Variants in CENPP observed in about 807,000 individuals in gnomAD.
CENPP encodes centromere protein P.
Under a neutral mutation model 35.6 loss-of-function variants are expected in CENPP, and 24 were observed. The observed-to-expected ratio is 0.67, with a 90% CI of 0.49 to 0.95. CENPP has a LOEUF of 0.95. Among genes scored for constraint, CENPP ranks in the 40% least tolerant of loss-of-function variants. CENPP has a pLI of 0.00. For missense variants in CENPP, 332 were observed against 345.3 expected (o/e 0.96, Z 0.31); for synonymous variants, 120 against 125.5 (o/e 0.96, Z 0.29).
intron 5 of CENPP, chr9:92,517,947 A>C: frequency 7.7e-6 from 12 of 1,566,646 alleles, no homozygotes; most frequent in Non-Finnish European, 1.0e-5. Context: ...AAGTAAACAC[A>C]ATGTGAAGTC....
chr9:92,594,186 A>G (rs1850724528), intron 5 of CENPP, among the ~76,000 whole-genome samples: 1 of 152,220 alleles, frequency 6.6e-6, no homozygotes, highest in Admixed American at 6.5e-5. Flanking sequence ...AGAAAAAACC[A>G]GGTGAGGGTC....
chr9:92,385,506 C>T (rs1011260771), intron 5 of CENPP: 2 of 892,422 alleles, frequency 2.2e-6, no homozygotes, highest in East Asian at 2.6e-5. Context: ...TATTAAATTC[C>T]TTCAAAATGA....
chr9:92,443,914 C>T (rs536182606), intron 5 of CENPP, among the ~76,000 whole-genome samples: 165 of 152,244 alleles, frequency 1.1e-3, no homozygotes, highest in Admixed American at 2.8e-3. Context: ...CCACCCACTT[C>T]GGCCTCCCAA....
intron 5 of CENPP, chr9:92,416,724 G>T (rs1311679476): frequency 3.7e-6 from 6 of 1,613,596 alleles, no homozygotes; most frequent in Non-Finnish European, 5.1e-6. Context: ...ATGTTGGGAA[G>T]ATTAAAAATA....
At chr9:92,571,057 G>A (rs1460148883) in intron 5 of CENPP, among the ~76,000 whole-genome samples, 3 of 151,858 alleles carry the variant, frequency 2.0e-5, no homozygotes, top group Admixed American at 6.6e-5. Flanking sequence ...TTTTTTGAAG[G>A]GTTTTTTGTG....
At chr9:92,401,247 A>G in intron 5 of CENPP, 1 of 774,434 alleles carries the variant, frequency 1.3e-6, no homozygotes. Context: ...CTGTAAAATG[A>G]AGGGATCACA....
chr9:92,577,527 C>A (rs1489215054), intron 5 of CENPP, among the ~76,000 whole-genome samples: 2 of 151,994 alleles, frequency 1.3e-5, no homozygotes, highest in Non-Finnish European at 2.9e-5. Context: ...CAATATAAGT[C>A]AAAATATATG....
intron 5 of CENPP, among the ~76,000 whole-genome samples, chr9:92,382,892 C>CTTTTTT (rs1213731251): frequency 7.2e-5 from 5 of 69,810 alleles, no homozygotes; most frequent in African/African-American, 9.8e-5. Flanking sequence ...CACTGTTTTC[C>CTTTTTT]TTTTTTTTTT....
chr9:92,463,462 A>G (rs911382655), intron 5 of CENPP, among the ~76,000 whole-genome samples: 2 of 152,258 alleles, frequency 1.3e-5, no homozygotes, highest in Non-Finnish European at 2.9e-5. Context: ...TGAGAAGTTA[A>G]ACCTTTACTT....
intron 5 of CENPP, among the ~76,000 whole-genome samples, chr9:92,557,636 C>T (rs911980544): frequency 6.6e-6 from 1 of 151,954 alleles, no homozygotes; most frequent in African/African-American, 2.4e-5. Flanking sequence ...CAGAGCATTT[C>T]GCATTTCTTT....
At chr9:92,373,071 C>T (rs1842045836) in intron 4 of CENPP, among the ~76,000 whole-genome samples, 1 of 152,072 alleles carries the variant, frequency 6.6e-6, no homozygotes, top group African/African-American at 2.4e-5. Context: ...CTTGAGTATA[C>T]TGCTAATTTG....
At chr9:92,517,538 A>G (rs1389472367) in intron 5 of CENPP, 3 of 1,043,562 alleles carry the variant, frequency 2.9e-6, no homozygotes, top group South Asian at 3.0e-5. Flanking sequence ...TTTCCCAGAT[A>G]TTTTCTATGT....
At chr9:92,325,542 T>G (rs10123342), upstream of CENPP, 62,300 of 154,472 alleles carry the variant, frequency 0.4, 14,869 homozygotes, top group African/African-American at 0.66. Context: ...TCCCCTAGTT[T>G]CTATTGAACA....
At chr9:92,340,785 G>T (rs916542545) in intron 3 of CENPP, among the ~76,000 whole-genome samples, 15 of 151,988 alleles carry the variant, frequency 9.9e-5, no homozygotes, top group South Asian at 4.2e-4. Flanking sequence ...ATCACCTCAG[G>T]ACCCTGTAAT....
At chr9:92,500,965 C>T in intron 5 of CENPP, 2 of 1,614,142 alleles carry the variant, frequency 1.2e-6, no homozygotes, top group Non-Finnish European at 1.7e-6. Flanking sequence ...ATCTGGTTCC[C>T]AAGGAGTACT....
intron 5 of CENPP, among the ~76,000 whole-genome samples, chr9:92,393,513 A>G (rs1008366433): frequency 3.3e-5 from 5 of 152,192 alleles, no homozygotes; most frequent in African/African-American, 9.7e-5. Context: ...TTTGAAAACC[A>G]AAAAAATTTA....
At chr9:92,355,361 T>C (rs1841562722) in intron 4 of CENPP, among the ~76,000 whole-genome samples, 1 of 152,078 alleles carries the variant, frequency 6.6e-6, no homozygotes, top group Non-Finnish European at 1.5e-5. Context: ...TCTCTCCTAC[T>C]TGCATGTCTG....
chr9:92,516,386 C>G (rs1847723603), intron 5 of CENPP, among the ~76,000 whole-genome samples: 1 of 152,054 alleles, frequency 6.6e-6, no homozygotes, highest in Non-Finnish European at 1.5e-5. Context: ...TTTCTTCCAT[C>G]AAGATTTAAA....
At chr9:92,548,651 A>G (rs1323183730) in intron 5 of CENPP, among the ~76,000 whole-genome samples, 1 of 152,252 alleles carries the variant, frequency 6.6e-6, no homozygotes, top group African/African-American at 2.4e-5. Context: ...TATTTAAAAT[A>G]TATCAAGTAG....
Sources: allele counts gnomAD v4.1 joint callset (sites outside exome capture counted in the v4.1 genomes callset), GRCh38; gene constraint gnomAD v4.1.1; transcripts MANE v1.5; gene names NCBI Gene and HGNC (gene_info 2026-07-23, HGNC 2026-07-21).